The following ANXA11 variants were observed in gnomAD, a reference collection of about 807,000 sequenced individuals.
ANXA11 encodes 56 kDa autoantigen.
A neutral mutation model predicts 64.7 loss-of-function variants in ANXA11; 57 were observed. The ratio of observed to expected loss-of-function variants is 0.88; its 90% CI spans 0.71 to 1.10. The LOEUF (loss-of-function observed/expected upper bound fraction) is 1.10, where lower values mean the gene tolerates loss of function less well. ANXA11 is among the 50% of genes least tolerant of loss of function. ANXA11 has a pLI of 0.00. For synonymous variants in ANXA11, 260 were observed against 265.2 expected, an observed-to-expected ratio of 0.98 and a Z score of 0.19; for missense variants, 675 against 670.7, an observed-to-expected ratio of 1.01 and a Z score of -0.07.
At chr10:80,180,399 T>C (rs932675791) in intron 1 of ANXA11, among the ~76,000 whole-genome samples, 1 of 152,192 alleles carries the variant, frequency 6.6e-6, no homozygotes, top group Non-Finnish European at 1.5e-5. Context: ...CCTGGGACTC[T>C]GGACTGTCCT....
At chr10:80,160,110 A>C (rs1845448398) in intron 12 of ANXA11, among the ~76,000 whole-genome samples, 1 of 152,088 alleles carries the variant, frequency 6.6e-6, no homozygotes, top group African/African-American at 2.4e-5. Context: ...CTCAGCTACC[A>C]TTTGCATTTT....
chr10:80,186,501 T>C (rs1846545115), intron 1 of ANXA11, among the ~76,000 whole-genome samples: 1 of 151,102 alleles, frequency 6.6e-6, no homozygotes, highest in Admixed American at 6.6e-5. Context: ...ACTCCAAGAG[T>C]AGAGGGGACA....
chr10:80,169,496 A>G (rs1485771184), intron 4 of ANXA11, 138 bp from the exon 5 acceptor site: 1 of 1,025,382 alleles, frequency 9.8e-7, no homozygotes, highest in Non-Finnish European at 1.5e-6. Context: ...TACCCATTTC[A>G]CAGACCACAG....
intron 12 of ANXA11, 47 bp downstream of exon 12, chr10:80,161,888 G>A (rs367988681): frequency 6.7e-7 from 1 of 1,496,352 alleles, no homozygotes; most frequent in Non-Finnish European, 9.3e-7. Flanking sequence ...ACAATCCCCT[G>A]ACTGCCCTCA....
chr10:80,165,539 CT>C (rs1399194999), intron 8 of ANXA11, among the ~76,000 whole-genome samples: 4 of 152,186 alleles, frequency 2.6e-5, no homozygotes, highest in Admixed American at 6.5e-5. Flanking sequence ...GACAGGCCCC[CT>C]CTCCCACCCC....
In ANXA11 at chr10:80,150,965, T is replaced by A. The variant is rs1383540377; in HGVS notation, c.*4888A>T. ...TTTCAATTCGTTTCCAGAGTTCCCA[T>A]AAATTTGAGTTTTTGCCACCTTATT... On this transcript the variant is annotated 3_prime_UTR_variant, in exon 16 of 16. Coordinates refer to ENST00000422982, the MANE Select transcript of ANXA11 (RefSeq NM_145868.2). The A allele has an allele frequency of 6.6e-6, 1 of 152,188 alleles. No individual in the cohort carries two copies. Among genetic ancestry groups the A allele is most frequent in the Non-Finnish European group, 1.5e-5 (1 of 68,040 alleles). The allele number at this position is 152,188 out of a possible 1,614,324, so 9.4% of individuals were successfully genotyped here. A position where few individuals can be genotyped will look rare whatever the true frequency, so the allele number is the denominator to read the frequency against.
intron 1 of ANXA11, among the ~76,000 whole-genome samples, chr10:80,191,953 C>G (rs1380041285): frequency 6.6e-6 from 1 of 152,196 alleles, no homozygotes; most frequent in Non-Finnish European, 1.5e-5. Flanking sequence ...CAAGGTGATA[C>G]AGCAAGACCC....
chr10:80,193,750 T>A (rs1010831515), intron 1 of ANXA11, among the ~76,000 whole-genome samples: 17 of 139,918 alleles, frequency 1.2e-4, no homozygotes, highest in African/African-American at 4.6e-4. Context: ...AGGCTGGGGC[T>A]GCAGTGAGCC....
Position 80,155,810 on chromosome 10 carries a change from G to A in ANXA11, c.*43C>T. 1 of 1,576,950 alleles carries A rather than the reference G, an allele frequency of 6.3e-7. No homozygotes were observed. The highest frequency in any genetic ancestry group is 1.3e-5 in the African/African-American group (1 of 74,232). ...ATTCTTTTGGCCTTTTCCTGGCACT[G>A]GTGTTGCCGGCAGGTGGGCAGAAGT... On this transcript the variant is annotated 3_prime_UTR_variant, in exon 16 of 16. Coordinates refer to ENST00000422982, the MANE Select transcript of ANXA11 (RefSeq NM_145868.2).
chr10:80,159,442 A>G (rs1462828746), intron 12 of ANXA11, among the ~76,000 whole-genome samples: 1 of 152,214 alleles, frequency 6.6e-6, no homozygotes, highest in Non-Finnish European at 1.5e-5. Context: ...AGGAAAGACC[A>G]TGTGAGCACA....
intron 3 of ANXA11, chr10:80,171,991 G>C: frequency 3.3e-6 from 3 of 902,974 alleles, no homozygotes; most frequent in Non-Finnish European, 2.7e-6. Context: ...TGCTGAATGG[G>C]AGGGAAGGTA....
At chr10:80,181,326 A>T (rs868798770) in intron 1 of ANXA11, 1 of 152,092 alleles carries the variant, frequency 6.6e-6, no homozygotes, top group Non-Finnish European at 1.5e-5. Flanking sequence ...GCACCATGGC[A>T]TGCGACTGTG....
chr10:80,167,275 A>G lies in ANXA11; in HGVS notation c.600T>C (p.Phe200=), dbSNP rs1313835854. 1.2e-6 allele frequency: 2 copies of G among 1,614,036 alleles called. No homozygotes were observed. Among genetic ancestry groups the G allele is most frequent in the Non-Finnish European group, 1.7e-6 (2 of 1,180,026 alleles). ...GGACCTCGGCATCTCGCAGGGGGTCAAAGCCGGGAGCATCAGTGATGGTGC... is the reference window on the plus strand; with the variant it reads ...GGACCTCGGCATCTCGCAGGGGGTCGAAGCCGGGAGCATCAGTGATGGTGC... ...SRGTITDAPG[F]DPLRDAEVLR... Residue 200 remains phenylalanine (F), a synonymous_variant, in exon 6 of 16, where the codon TTT becomes TTC. Transcript: ENST00000422982.
At chr10:80,202,204 A>AGGGGGGGGGGGG (rs143388172) in intron 1 of ANXA11, among the ~76,000 whole-genome samples, 1 of 91,668 alleles carries the variant, frequency 1.1e-5, no homozygotes, top group Non-Finnish European at 2.7e-5. Flanking sequence ...GTGGGGGGGA[A>AGGGGGGGGGGGG]GCGGGGGGTC....
rs965569024 is a variant in ANXA11, at chr10:80,165,972, C to T, written c.858+112G>A. 4.6e-6 allele frequency: 3 copies of T among 649,402 alleles called. No homozygotes were observed. The African/African-American group carries it at 5.6e-5, about 12-fold the overall frequency. 40.2% of individuals were successfully genotyped at this position (649,402 alleles called of 1,614,324 possible). ...ACAGCAGCTAATGAGTGGGCTAGAA[C>T]ACAGCACGCCATCCAGGCCTCCTTC... On this transcript the variant is annotated intron_variant, in intron 8 of 15. Coordinates refer to ENST00000422982, the MANE Select transcript of ANXA11 (RefSeq NM_145868.2).
chr10:80,171,340 G>C, intron 3 of ANXA11: 1 of 816,384 alleles, frequency 1.2e-6, no homozygotes. Flanking sequence ...CTGGCGGGAG[G>C]GGGTTTGGCT....
intron 3 of ANXA11, chr10:80,171,527 C>A (rs1845976186): frequency 5.6e-5 from 44 of 784,852 alleles, no homozygotes; most frequent in Non-Finnish European, 6.6e-5. Flanking sequence ...AAGGCTTTCA[C>A]CCTCCTTAGG....
chr10:80,162,278 A>G (rs1845545490), intron 11 of ANXA11, among the ~76,000 whole-genome samples: 1 of 152,264 alleles, frequency 6.6e-6, no homozygotes, highest in Admixed American at 6.5e-5. Context: ...CTGGACTGAG[A>G]AGGCAGAGCA....
rs376783741 is a variant in ANXA11 at position 80,159,203 on chromosome 10, G to GA, written c.1181-9dup. The GA allele has an allele frequency of 4.7e-5, 75 of 1,609,916 alleles. No individual in the cohort carries two copies. The African/African-American group carries it at 6.9e-4, about 15-fold the overall frequency. On this transcript the variant is annotated splice_polypyrimidine_tract_variant and intron_variant, in intron 12 of 15. Coordinates refer to ENST00000422982, the MANE Select transcript of ANXA11 (RefSeq NM_145868.2). ...TCTGGTACTCATTGAAAACTATGGG[G>GA]ATGACAGAGGCTTATATTATGAACT... is the stretch of plus-strand genomic sequence containing the variant.
Sources: gnomAD v4.1 joint callset for allele counts (sites outside exome capture counted in the v4.1 genomes callset) on GRCh38, gnomAD v4.1.1 for gene constraint, MANE v1.5 for transcripts, NCBI Gene and HGNC (gene_info 2026-07-23, HGNC 2026-07-21) for gene names.